USP4: variants seen among roughly 807,000 people sequenced by gnomAD.
USP4 encodes the protein ubiquitin specific peptidase 4, also known as ubiquitin carboxyl-terminal hydrolase 4.
USP4 carries 72 observed loss-of-function variants against 118.2 expected under a neutral mutation model. The ratio of observed to expected loss-of-function variants is 0.61; its 90% CI spans 0.50 to 0.74. USP4 has a LOEUF of 0.74. Ranked by LOEUF, USP4 falls within the 30% of genes least tolerant of loss-of-function variation. The probability of loss-of-function intolerance (pLI) is 0.00; values close to 1 mark genes in which losing one functional copy is unlikely to be tolerated. For synonymous variants in USP4, 415 were observed against 440.4 expected, an observed-to-expected ratio of 0.94 and a Z score of 0.72; for missense variants, 1,037 against 1,185.7, an observed-to-expected ratio of 0.87 and a Z score of 1.84.
intron 6 of USP4, among the ~76,000 whole-genome samples, chr3:49,316,485 A>T (rs554535001): frequency 6.6e-6 from 1 of 151,578 alleles, no homozygotes. Flanking sequence ...ATGCCTGGCT[A>T]TTTTTTTATT....
At chr3:49,320,916 T>A (rs1386439872) in intron 6 of USP4, among the ~76,000 whole-genome samples, 1 of 152,120 alleles carries the variant, frequency 6.6e-6, no homozygotes, top group Non-Finnish European at 1.5e-5. Flanking sequence ...ACCCCAGTTT[T>A]TAGCTGGACA....
At position 49,325,838 on chromosome 3, in the gene USP4, TCCA is replaced by T; in HGVS notation, c.365_367del (p.Val122del). 1 of 1,613,664 alleles carries T rather than the reference TCCA, an allele frequency of 6.2e-7. No homozygotes were observed. The highest frequency in any genetic ancestry group is 2.2e-5 in the East Asian group (1 of 44,856). ...GCAGTGCTTGACAAACAGGCCATGC[TCCA>T]CAACCTATGAACAAGAGGCAGGGGT... is the stretch of plus-strand genomic sequence containing the variant. On this transcript the variant is annotated inframe_deletion, in exon 4 of 22. Transcript: ENST00000265560.
chr3:49,331,608 G>T (rs2047618244), intron 2 of USP4, among the ~76,000 whole-genome samples: 1 of 152,098 alleles, frequency 6.6e-6, no homozygotes, highest in Non-Finnish European at 1.5e-5. Context: ...GCGACACAGC[G>T]AGATTCTGTC....
rs903127815 is a variant in USP4, at chr3:49,277,346, G to A, written c.*947C>T. On this transcript the variant is annotated 3_prime_UTR_variant, in exon 22 of 22. Transcript: ENST00000265560. Reference sequence around the variant, plus strand: ...CCCACACGCAGCGGCTGGCCCCGCGGTGGGAGTGGGGACGGGGCTTTCGAA... The same window carrying A: ...CCCACACGCAGCGGCTGGCCCCGCGATGGGAGTGGGGACGGGGCTTTCGAA... 1.2e-6 allele frequency: 1 copy of A among 853,042 alleles called. No individual in the cohort carries two copies. The highest frequency in any genetic ancestry group is 7.0e-5 in the East Asian group (1 of 14,242). The allele number at this position is 853,042 out of a possible 1,614,324, so 52.8% of individuals were successfully genotyped here.
At chr3:49,298,105 G>A in intron 12 of USP4, 141 bp from the exon 13 acceptor site, 2 of 634,270 alleles carry the variant, frequency 3.2e-6, no homozygotes, top group Non-Finnish European at 5.5e-6. Context: ...AACAGCCCCA[G>A]AGAGCTGAGG....
intron 3 of USP4, among the ~76,000 whole-genome samples, chr3:49,326,365 G>A (rs772637469): frequency 6.6e-6 from 1 of 151,960 alleles, no homozygotes; most frequent in Non-Finnish European, 1.5e-5. Flanking sequence ...AAGACCAAGA[G>A]CATCTTGATG....
chr3:49,307,063 C>T (rs1054331312), intron 8 of USP4, among the ~76,000 whole-genome samples: 80 of 152,216 alleles, frequency 5.3e-4, no homozygotes, highest in African/African-American at 1.7e-3. Flanking sequence ...GGAGCCACCG[C>T]GCCCAGCCGG....
At chr3:49,301,051 TGCCTCA>T (rs2047258359) in intron 10 of USP4, among the ~76,000 whole-genome samples, 1 of 152,188 alleles carries the variant, frequency 6.6e-6, no homozygotes. Flanking sequence ...GCGATCTTCC[TGCCTCA>T]GACTCCCAAG....
intron 6 of USP4, chr3:49,316,950 T>C: frequency 1.6e-6 from 1 of 626,962 alleles, no homozygotes; most frequent in Non-Finnish European, 2.8e-6. Context: ...CCAGTGGAGG[T>C]TGGCAGCTGC....
intron 8 of USP4, among the ~76,000 whole-genome samples, chr3:49,307,180 G>T (rs1386177099): frequency 6.6e-6 from 1 of 152,154 alleles, no homozygotes; most frequent in Admixed American, 6.6e-5. Flanking sequence ...AGGTGTGGTA[G>T]TTCATACCTG....
chr3:49,336,165 C>CTTT lies in USP4; in HGVS notation c.102-572_102-570dup, dbSNP rs34604530. 8.1e-3 allele frequency among the ~76,000 whole-genome samples: 672 copies of CTTT among 82,792 alleles called. 10 individuals are homozygous for CTTT. Among genetic ancestry groups the CTTT allele is most frequent in the Middle Eastern group, 0.011 (1 of 90 alleles). 54.3% of individuals were successfully genotyped at this position (82,792 alleles called of 152,430 possible). ...AGGCATGAGCCACTGCACCTGGCCT[C>CTTT]TTTTTTTTTTTTTTTTTTTTTTGAG... On this transcript the variant is annotated intron_variant, in intron 1 of 21. Coordinates refer to ENST00000265560, the MANE Select transcript of USP4 (RefSeq NM_003363.4).
At chr3:49,316,106 G>A (rs545006849) in intron 6 of USP4, among the ~76,000 whole-genome samples, 1 of 151,990 alleles carries the variant, frequency 6.6e-6, no homozygotes, top group African/African-American at 2.4e-5. Context: ...AGAGGCTGAG[G>A]CAGGAGAATC....
chr3:49,339,409 T>C (rs998668574), intron 1 of USP4, among the ~76,000 whole-genome samples: 3 of 152,216 alleles, frequency 2.0e-5, no homozygotes, highest in Admixed American at 6.5e-5. Context: ...GCAAATATTT[T>C]TGACACTTGC....
intron 6 of USP4, among the ~76,000 whole-genome samples, chr3:49,322,096 C>T (rs1451263193): frequency 6.6e-6 from 1 of 152,106 alleles, no homozygotes; most frequent in African/African-American, 2.4e-5. Flanking sequence ...AACAGGACAC[C>T]CCCAGACCCC....
At chr3:49,325,100 T>C in intron 4 of USP4, 61 bp from the exon 5 acceptor site, 6 of 1,576,972 alleles carry the variant, frequency 3.8e-6, no homozygotes, top group Middle Eastern at 2.0e-4. Context: ...AAGACAGCCA[T>C]GGCAAACTAA....
chr3:49,308,888 C>T (rs2047349794), intron 8 of USP4, among the ~76,000 whole-genome samples: 2 of 151,562 alleles, frequency 1.3e-5, no homozygotes, highest in African/African-American at 4.8e-5. Context: ...AAAAATTAGC[C>T]AGGCGTGGTG....
At chr3:49,287,058 G>C (rs2047101923) in intron 15 of USP4, among the ~76,000 whole-genome samples, 1 of 152,020 alleles carries the variant, frequency 6.6e-6, no homozygotes, top group South Asian at 2.1e-4. Context: ...CACCATGTTG[G>C]TCAGGCTGGT....
chr3:49,297,885 C>G lies in USP4; in HGVS notation c.1676G>C (p.Arg559Pro). ...GAGTACTCACACGAAAATGTCATCC[C>G]GAGGCATGATGTGGTTTAAACCTTC... ...MDEGLNHIMP[R>P]DDIFVYEVCS... is the part of the protein sequence containing the mutation. Residue 559 changes from arginine (R) to proline (P), a missense_variant, in exon 13 of 22, where the codon CGG becomes CCG. Transcript: ENST00000265560. The G allele has an allele frequency of 1.9e-6, 3 of 1,613,980 alleles. No individual in the cohort carries two copies. The highest frequency in any genetic ancestry group is 2.5e-6 in the Non-Finnish European group (3 of 1,179,890).
chr3:49,278,485 C>T, intron 21 of USP4, 34 bp from the exon 22 acceptor site: 1 of 1,599,730 alleles, frequency 6.3e-7, no homozygotes, highest in Admixed American at 1.7e-5. Context: ...CCATTCAGTG[C>T]TTGGAAAAAT....
Sources: allele counts gnomAD v4.1 joint callset (sites outside exome capture counted in the v4.1 genomes callset), GRCh38; gene constraint gnomAD v4.1.1; transcripts MANE v1.5; gene names NCBI Gene and HGNC (gene_info 2026-07-23, HGNC 2026-07-21).